The following DUSP22 variants were observed in gnomAD, a reference collection of about 807,000 sequenced individuals.
DUSP22 encodes dual specificity protein phosphatase 22.
Under a neutral mutation model 24.5 loss-of-function variants are expected in DUSP22, and 24 were observed. The observed-to-expected ratio is 0.98, with a 90% confidence interval of 0.71 to 1.38. The LOEUF is 1.38. Ranked by LOEUF, DUSP22 falls within the 40% of genes most tolerant of loss-of-function variation. The probability of loss-of-function intolerance (pLI) is 0.00; values close to 1 mark genes in which losing one functional copy is unlikely to be tolerated. For synonymous variants in DUSP22, 160 were observed against 106.4 expected (o/e 1.50, Z -3.10); for missense variants, 330 against 269.2 (o/e 1.23, Z -1.58).
At chr6:295,563 C>G (rs530891717) in intron 1 of DUSP22, among the ~76,000 whole-genome samples, 40 of 152,206 alleles carry the variant, frequency 2.6e-4, no homozygotes, top group African/African-American at 9.2e-4. Context: ...CTGCTTGAGT[C>G]CAGGAGTTTA....
At chr6:341,714 C>T (rs1160956271) in intron 4 of DUSP22, among the ~76,000 whole-genome samples, 1 of 152,306 alleles carries the variant, frequency 6.6e-6, no homozygotes, top group Non-Finnish European at 1.5e-5. Context: ...CCCAGGCCCC[C>T]AACATGGTGG....
At chr6:332,789 C>T (rs1439128599) in intron 3 of DUSP22, among the ~76,000 whole-genome samples, 1 of 152,298 alleles carries the variant, frequency 6.6e-6, no homozygotes, top group East Asian at 1.9e-4. Context: ...AAGTCGCTGA[C>T]ACTGAAGATG....
Position 350,714 on chromosome 6 carries a change from T to C in DUSP22, c.*1763T>C. ...GTTAACAGAAAAATGATTTAGGATA[T>C]AGCTTGAATGCTTAAATATGTGCAC... On this transcript the variant is annotated 3_prime_UTR_variant, in exon 7 of 7. Coordinates refer to ENST00000419235, the MANE Select transcript of DUSP22 (RefSeq NM_001286555.3). 1 of 1,602,296 alleles carries C rather than the reference T, an allele frequency of 6.2e-7. No individual in the cohort carries two copies.
Position 349,311 on chromosome 6 carries a change from T to C in DUSP22, c.*360T>C, listed in dbSNP as rs1317569233. On this transcript the variant is annotated 3_prime_UTR_variant, in exon 7 of 7. Coordinates refer to ENST00000419235, the MANE Select transcript of DUSP22 (RefSeq NM_001286555.3). ...TAAGTGTGTACATGTGTGTATGTTG[T>C]GAAAGTGTCTGTGCACATGAATGTT... 3.4e-6 allele frequency: 4 copies of C among 1,178,408 alleles called. No homozygotes were observed. The highest frequency in any genetic ancestry group is 3.1e-5 in the African/African-American group (2 of 64,322). The allele number at this position is 1,178,408 out of a possible 1,614,324, so 73.0% of individuals were successfully genotyped here. A position where few individuals can be genotyped will look rare whatever the true frequency, so the allele number is the denominator to read the frequency against.
intron 4 of DUSP22, among the ~76,000 whole-genome samples, chr6:337,437 A>G (rs1389140718): frequency 6.6e-6 from 1 of 152,304 alleles, no homozygotes; most frequent in Admixed American, 6.5e-5. Context: ...AGTTGCAATA[A>G]CAAGTTTTGG....
At position 311,956 on chromosome 6, in the gene DUSP22, G is replaced by A. The variant is rs548178500; in HGVS notation, c.132G>A (p.Met44Ile). 15 of 1,611,908 alleles carry A rather than the reference G, an allele frequency of 9.3e-6. No individual in the cohort carries two copies. The South Asian group carries it at 1.3e-4, about 14-fold the overall frequency. The change falls in exon 3 of 7, where the codon ATG becomes ATA. Residue 44 changes from methionine to isoleucine, a missense_variant. Transcript: ENST00000419235. ...ILSVHDSARP[M>I]LEGVKYLCIP... ...CTGTCCACGATAGTGCCAGGCCTAT[G>A]TTGGAGGTAAGAGAGCACCGTGGGG... is the stretch of plus-strand genomic sequence containing the variant.
chr6:302,915 G>A (rs1180766745), intron 1 of DUSP22, among the ~76,000 whole-genome samples: 6 of 152,306 alleles, frequency 3.9e-5, no homozygotes, highest in Admixed American at 1.3e-4. Context: ...TTAGACATCG[G>A]GGTGGAGGAA....
intron 3 of DUSP22, among the ~76,000 whole-genome samples, chr6:332,451 A>G (rs1356151523): frequency 6.6e-6 from 1 of 152,302 alleles, no homozygotes; most frequent in African/African-American, 2.4e-5. Flanking sequence ...TCTCGTGCCC[A>G]CCTGACAAGG....
intron 4 of DUSP22, among the ~76,000 whole-genome samples, chr6:344,130 T>C (rs1759747992): frequency 6.6e-6 from 1 of 152,262 alleles, no homozygotes; most frequent in Non-Finnish European, 1.5e-5. Flanking sequence ...CTGCCTGGCT[T>C]TGTGCCTCAG....
intron 4 of DUSP22, chr6:337,154 T>G (rs941098525): frequency 6.6e-6 from 1 of 152,610 alleles, no homozygotes; most frequent in African/African-American, 2.4e-5. Flanking sequence ...GTGACCTGAT[T>G]TAAGCGTGGA....
intron 5 of DUSP22, 72 bp downstream of exon 5, chr6:346,000 C>CA (rs1561682444): frequency 6.3e-7 from 1 of 1,576,968 alleles, no homozygotes; most frequent in South Asian, 1.1e-5. Flanking sequence ...AGTGTTTTTC[C>CA]GTGTGTGAAT....
At chr6:308,872 G>A (rs1301908546) in intron 2 of DUSP22, among the ~76,000 whole-genome samples, 2 of 152,306 alleles carry the variant, frequency 1.3e-5, no homozygotes, top group Admixed American at 1.3e-4. Flanking sequence ...GGTGGAATGG[G>A]TGTCTGGAGG....
In DUSP22 at chr6:345,689, A is replaced by C. The variant is rs554389716; in HGVS notation, c.189-165A>C. ...GATTTGATTATTATACAATGTATAC[A>C]TGCATTGAAGTGTCACACTGTAGCC... is the stretch of plus-strand genomic sequence containing the variant. On this transcript the variant is annotated intron_variant, in intron 4 of 6. Coordinates refer to ENST00000419235, the MANE Select transcript of DUSP22 (RefSeq NM_001286555.3). Among the ~76,000 whole-genome samples, 36 of 152,424 alleles carry C rather than the reference A, an allele frequency of 2.4e-4. No individual in the cohort carries two copies. The East Asian group carries it at 4.4e-3, about 19-fold the overall frequency.
intron 3 of DUSP22, among the ~76,000 whole-genome samples, chr6:324,459 C>T (rs1196596349): frequency 2.0e-5 from 3 of 152,428 alleles, no homozygotes; most frequent in East Asian, 1.9e-4. Context: ...CTAATATTAA[C>T]TTGCTGCATA....
rs562611944 is a variant in DUSP22, at chr6:299,096, C to G, written c.22-5532C>G. On this transcript the variant is annotated intron_variant, in intron 1 of 6. Transcript: ENST00000419235. ...GGCCCACAGATGCTTAGCACCAATT[C>G]TGTGCTTATTACTTCAGCATAGTGG... is the stretch of plus-strand genomic sequence containing the variant. Among the ~76,000 whole-genome samples the G allele has an allele frequency of 2.0e-4, 30 of 152,418 alleles. No homozygotes were observed. The East Asian group carries it at 5.8e-3, about 29-fold the overall frequency.
At chr6:336,764 A>G (rs1581183820) in intron 4 of DUSP22, among the ~76,000 whole-genome samples, 2 of 152,310 alleles carry the variant, frequency 1.3e-5, no homozygotes, top group East Asian at 3.8e-4. Context: ...GTAGCACTCT[A>G]GGCCTGGAAG....
At chr6:299,560 G>T (rs1406957516) in intron 1 of DUSP22, among the ~76,000 whole-genome samples, 1 of 152,304 alleles carries the variant, frequency 6.6e-6, no homozygotes, top group African/African-American at 2.4e-5. Context: ...TACAGAGAGG[G>T]ATTGAGCAAC....
intron 6 of DUSP22, 149 bp from the exon 7 acceptor site, chr6:348,620 G>C: frequency 7.3e-7 from 1 of 1,374,680 alleles, no homozygotes; most frequent in South Asian, 1.4e-5. Flanking sequence ...ACCCTGGCTG[G>C]CCAACCACAG....
intron 1 of DUSP22, among the ~76,000 whole-genome samples, chr6:295,385 G>A (rs151328846): frequency 1.4e-3 from 218 of 152,312 alleles, no homozygotes; most frequent in African/African-American, 4.4e-3. Flanking sequence ...CCTGTACGGC[G>A]GAATATTGTG....
Sources: gnomAD v4.1 joint callset for allele counts (sites outside exome capture counted in the v4.1 genomes callset) on GRCh38, gnomAD v4.1.1 for gene constraint, MANE v1.5 for transcripts, NCBI Gene and HGNC (gene_info 2026-07-23, HGNC 2026-07-21) for gene names.